Variants in PLGRKT observed in about 807,000 individuals in gnomAD.
The protein encoded by PLGRKT is plasminogen receptor with a C-terminal lysine.
Under a neutral mutation model 18.5 loss-of-function variants are expected in PLGRKT, and 22 were observed. The ratio of observed to expected loss-of-function variants is 1.19; its 90% confidence interval spans 0.85 to 1.70. The LOEUF (loss-of-function observed/expected upper bound fraction) is 1.70, where lower values mean the gene tolerates loss of function less well. Ranked by LOEUF, PLGRKT falls within the 40% of genes most tolerant of loss-of-function variation. The probability of loss-of-function intolerance (pLI) is 0.00; values close to 1 mark genes in which losing one functional copy is unlikely to be tolerated. For synonymous variants in PLGRKT, 72 were observed against 52.8 expected (o/e 1.36, Z -1.58); for missense variants, 235 against 174.4 (o/e 1.35, Z -1.96).
chr9:5,429,499 T>C (rs893211852), intron 3 of PLGRKT, among the ~76,000 whole-genome samples: 2 of 152,162 alleles, frequency 1.3e-5, no homozygotes, highest in Non-Finnish European at 2.9e-5. Flanking sequence ...TGTTCCTTAC[T>C]AAGGCTGTGA....
Position 5,374,231 on chromosome 9 carries a change from C to T in PLGRKT, c.82-12343G>A, listed in dbSNP as rs146130248. Among the ~76,000 whole-genome samples the T allele has an allele frequency of 2.0e-3, 299 of 152,276 alleles. 2 individuals are homozygous for T. The highest frequency in any genetic ancestry group is 3.2e-3 in the Non-Finnish European group (221 of 68,024). On this transcript the variant is annotated intron_variant, in intron 3 of 5. Transcript: ENST00000223864. ...TGAACCAAGTCTCCTATCTGCAGCC[C>T]CTACTCCAGTTCAGACCATCATTAC...
intron 2 of PLGRKT, among the ~76,000 whole-genome samples, chr9:5,433,774 T>A (rs1451307020): frequency 7.1e-5 from 8 of 112,148 alleles, no homozygotes; most frequent in South Asian, 3.3e-4. Flanking sequence ...CCGTCTGGGA[T>A]GTGAGGAGTG....
At chr9:5,419,421 C>T (rs112563774) in intron 3 of PLGRKT, among the ~76,000 whole-genome samples, 2,421 of 152,304 alleles carry the variant, frequency 0.016, 60 homozygotes, top group African/African-American at 0.052. Context: ...TTCTCCGTGG[C>T]GTGTTCAGGT....
chr9:5,403,849 C>T (rs1489782274), intron 3 of PLGRKT, among the ~76,000 whole-genome samples: 3 of 152,204 alleles, frequency 2.0e-5, no homozygotes, highest in African/African-American at 7.2e-5. Flanking sequence ...ATTTCTATGG[C>T]CTCTGCCTGT....
chr9:5,432,539 G>A (rs146805020), intron 2 of PLGRKT, among the ~76,000 whole-genome samples: 6,586 of 141,952 alleles, frequency 0.046, 392 homozygotes, highest in African/African-American at 0.13. Flanking sequence ...CCTCTCTTGC[G>A]GAGCCTGGAC....
intron 3 of PLGRKT, among the ~76,000 whole-genome samples, chr9:5,415,102 C>G (rs1203866368): frequency 6.6e-6 from 1 of 152,110 alleles, no homozygotes; most frequent in Non-Finnish European, 1.5e-5. Context: ...GTCATTAATT[C>G]CAGGCCTGGA....
intron 3 of PLGRKT, among the ~76,000 whole-genome samples, chr9:5,415,454 C>G (rs1223090570): frequency 1.3e-5 from 2 of 151,962 alleles, no homozygotes; most frequent in Non-Finnish European, 2.9e-5. Context: ...AAGATCTCAC[C>G]AATGAAAGAT....
chr9:5,382,816 C>A (rs1817772038), intron 3 of PLGRKT, among the ~76,000 whole-genome samples: 1 of 152,100 alleles, frequency 6.6e-6, no homozygotes, highest in African/African-American at 2.4e-5. Flanking sequence ...TAGGATGGCA[C>A]AGACAGAAAG....
At chr9:5,424,703 G>T (rs1033685636) in intron 3 of PLGRKT, among the ~76,000 whole-genome samples, 5 of 123,588 alleles carry the variant, frequency 4.0e-5, no homozygotes, top group Admixed American at 8.4e-5. Context: ...CACACAGGGG[G>T]GGGAGAGAGG....
chr9:5,374,892 T>C (rs184990756), intron 3 of PLGRKT, among the ~76,000 whole-genome samples: 22 of 152,324 alleles, frequency 1.4e-4, no homozygotes, highest in Admixed American at 1.4e-3. Flanking sequence ...AAAAAAGTCA[T>C]TATTTTTACA....
intron 3 of PLGRKT, among the ~76,000 whole-genome samples, chr9:5,375,252 T>C (rs563370671): frequency 2.4e-4 from 37 of 152,358 alleles, no homozygotes; most frequent in Non-Finnish European, 5.1e-4. Flanking sequence ...TTTGATAGTA[T>C]TGACATGCGA....
intron 3 of PLGRKT, among the ~76,000 whole-genome samples, chr9:5,374,517 A>T (rs1817590564): frequency 6.6e-6 from 1 of 152,216 alleles, no homozygotes; most frequent in African/African-American, 2.4e-5. Flanking sequence ...CACTGAGGCC[A>T]CACATGCTCA....
At chr9:5,422,246 C>A (rs117303124) in intron 3 of PLGRKT, among the ~76,000 whole-genome samples, 1 of 151,932 alleles carries the variant, frequency 6.6e-6, no homozygotes, top group East Asian at 1.9e-4. Context: ...TAGATCAGGT[C>A]GATATGACTA....
chr9:5,359,652 G>GA (rs1156965751), intron 5 of PLGRKT, among the ~76,000 whole-genome samples: 1 of 151,974 alleles, frequency 6.6e-6, no homozygotes, highest in Admixed American at 6.6e-5. Context: ...TATTAACATG[G>GA]AAAAAAACTA....
intron 3 of PLGRKT, among the ~76,000 whole-genome samples, chr9:5,411,892 T>G (rs879487148): frequency 6.6e-6 from 1 of 152,204 alleles, no homozygotes; most frequent in Non-Finnish European, 1.5e-5. Context: ...ACAAATAAAC[T>G]TATAAGTTAA....
At chr9:5,412,621 T>C (rs1818386683) in intron 3 of PLGRKT, among the ~76,000 whole-genome samples, 1 of 152,170 alleles carries the variant, frequency 6.6e-6, no homozygotes, top group South Asian at 2.1e-4. Context: ...CTATTCTTTA[T>C]AAATCACCCA....
chr9:5,434,860 G>A (rs946515366), intron 2 of PLGRKT, among the ~76,000 whole-genome samples: 37 of 152,124 alleles, frequency 2.4e-4, no homozygotes, highest in Middle Eastern at 3.4e-3. Flanking sequence ...TGACGATGGC[G>A]GTTTTGTCGA....
intron 3 of PLGRKT, among the ~76,000 whole-genome samples, chr9:5,384,959 T>G (rs979585517): frequency 2.0e-5 from 3 of 152,174 alleles, no homozygotes; most frequent in Non-Finnish European, 4.4e-5. Flanking sequence ...GCTTACACCT[T>G]TATTTAACAA....
chr9:5,417,043 T>C (rs901493001), intron 3 of PLGRKT, among the ~76,000 whole-genome samples: 11 of 152,258 alleles, frequency 7.2e-5, no homozygotes, highest in Admixed American at 5.2e-4. Context: ...CATAATAGTA[T>C]TTGCATTTAG....
Sources: allele counts gnomAD v4.1 joint callset (sites outside exome capture counted in the v4.1 genomes callset), GRCh38; gene constraint gnomAD v4.1.1; transcripts MANE v1.5; gene names NCBI Gene and HGNC (gene_info 2026-07-23, HGNC 2026-07-21).